AGBL4: variants seen among roughly 807,000 people sequenced by gnomAD.
AGBL4 encodes the protein AGBL carboxypeptidase 4.
A neutral mutation model predicts 66.4 loss-of-function variants in AGBL4; 58 were observed. The observed-to-expected ratio is 0.87, with a 90% confidence interval of 0.71 to 1.09. The LOEUF (loss-of-function observed/expected upper bound fraction) is 1.09, where lower values mean the gene tolerates loss of function less well. Ranked by LOEUF, AGBL4 falls within the 50% of genes least tolerant of loss-of-function variation. The pLI is 0.00. For missense variants in AGBL4, 579 were observed against 631.0 expected (o/e 0.92, Z 0.88); for synonymous variants, 234 against 222.9 (o/e 1.05, Z -0.44).
chr1:48,613,688 C>T (rs1645275088), intron 9 of AGBL4, among the ~76,000 whole-genome samples: 2 of 152,178 alleles, frequency 1.3e-5, no homozygotes, highest in Admixed American at 6.5e-5. Flanking sequence ...AGGGGTGACA[C>T]CTTTAGCCTG....
chr1:49,545,785 C>A (rs1652428828), intron 3 of AGBL4, among the ~76,000 whole-genome samples: 1 of 152,230 alleles, frequency 6.6e-6, no homozygotes. Context: ...CAAATAAAAG[C>A]AAATACTATT....
chr1:48,634,641 G>T, intron 8 of AGBL4, 37 bp from the exon 9 acceptor site: 1 of 1,455,754 alleles, frequency 6.9e-7, no homozygotes, highest in Non-Finnish European at 9.4e-7. Context: ...ATATAGACAG[G>T]ATAAGCTGAG....
intron 3 of AGBL4, among the ~76,000 whole-genome samples, chr1:49,578,937 A>G (rs1644489747): frequency 1.3e-5 from 2 of 152,334 alleles, no homozygotes; most frequent in East Asian, 3.9e-4. Flanking sequence ...CATTTGAGTC[A>G]GAGGGTTGGG....
chr1:49,353,441 T>A (rs539798585), intron 3 of AGBL4, among the ~76,000 whole-genome samples: 2 of 152,160 alleles, frequency 1.3e-5, no homozygotes, highest in Admixed American at 1.3e-4. Context: ...ACAATTATTG[T>A]GATTAATAAA....
chr1:49,758,407 G>A (rs1652054867), intron 2 of AGBL4, among the ~76,000 whole-genome samples: 1 of 151,778 alleles, frequency 6.6e-6, no homozygotes, highest in Non-Finnish European at 1.5e-5. Context: ...CCATCCTCTA[G>A]ACCCCAGAAT....
intron 3 of AGBL4, among the ~76,000 whole-genome samples, chr1:49,473,722 G>A (rs1646792558): frequency 1.3e-5 from 2 of 151,988 alleles, no homozygotes; most frequent in African/African-American, 2.4e-5. Context: ...ATGTCTAGAA[G>A]AGTATTTCCT....
intron 2 of AGBL4, among the ~76,000 whole-genome samples, chr1:49,710,141 A>G (rs1647534823): frequency 6.6e-6 from 1 of 152,134 alleles, no homozygotes; most frequent in South Asian, 2.1e-4. Flanking sequence ...ACATGCACAC[A>G]TATGTTTATT....
intron 3 of AGBL4, among the ~76,000 whole-genome samples, chr1:49,352,874 G>A (rs1198365594): frequency 1.3e-5 from 2 of 152,104 alleles, no homozygotes; most frequent in African/African-American, 4.8e-5. Flanking sequence ...CATAGTAGTA[G>A]CAGCAGATGG....
chr1:48,734,914 G>A (rs1328021647), intron 6 of AGBL4, among the ~76,000 whole-genome samples: 1 of 152,182 alleles, frequency 6.6e-6, no homozygotes, highest in Non-Finnish European at 1.5e-5. Flanking sequence ...AGACATGGCA[G>A]ACCTGGACAC....
At chr1:49,473,142 G>T (rs974736166) in intron 3 of AGBL4, among the ~76,000 whole-genome samples, 5 of 151,960 alleles carry the variant, frequency 3.3e-5, no homozygotes, top group Admixed American at 6.6e-5. Flanking sequence ...TTGGTAAAAT[G>T]ATTTATTTTC....
chr1:49,983,069 C>T (rs910689564), intron 1 of AGBL4, among the ~76,000 whole-genome samples: 2 of 152,212 alleles, frequency 1.3e-5, no homozygotes, highest in African/African-American at 2.4e-5. Context: ...TGTCTGCATA[C>T]CTCATTCTTC....
intron 1 of AGBL4, among the ~76,000 whole-genome samples, chr1:49,902,021 C>T (rs1421018036): frequency 6.6e-6 from 1 of 152,108 alleles, no homozygotes; most frequent in Non-Finnish European, 1.5e-5. Context: ...TTCCTTACAC[C>T]AAATGCAAAA....
At chr1:48,705,107 A>G (rs554687428) in intron 6 of AGBL4, among the ~76,000 whole-genome samples, 1 of 152,236 alleles carries the variant, frequency 6.6e-6, no homozygotes, top group South Asian at 2.1e-4. Flanking sequence ...TGACCAAAAC[A>G]TCATTATGTG....
intron 6 of AGBL4, among the ~76,000 whole-genome samples, chr1:48,832,057 G>T (rs1442684600): frequency 6.6e-6 from 1 of 152,134 alleles, no homozygotes; most frequent in Non-Finnish European, 1.5e-5. Flanking sequence ...TATAAGTGAA[G>T]AAAAATGAGT....
chr1:48,816,032 T>C (rs943140081), intron 6 of AGBL4, among the ~76,000 whole-genome samples: 1 of 150,016 alleles, frequency 6.7e-6, no homozygotes, highest in Non-Finnish European at 1.5e-5. Flanking sequence ...TGGCCACTTA[T>C]TGAGGAACTG....
chr1:49,588,229 A>G lies in AGBL4; in HGVS notation c.282+109084T>C, dbSNP rs1644687474. Reference sequence around the variant, plus strand: ...TTCTCATGGCAATGCTTCCTCAGTTATAATACACCATAATGCTTTGTGCCC... The same window carrying G: ...TTCTCATGGCAATGCTTCCTCAGTTGTAATACACCATAATGCTTTGTGCCC... On this transcript the variant is annotated intron_variant, in intron 3 of 13. Coordinates refer to ENST00000371839, the MANE Select transcript of AGBL4 (RefSeq NM_032785.4). Among the ~76,000 whole-genome samples the G allele has an allele frequency of 4.6e-5, 7 of 152,244 alleles. No homozygotes were observed. In the South Asian group the frequency reaches 1.5e-3, roughly 32 times the overall value.
At chr1:49,607,341 A>T (rs1015128767) in intron 3 of AGBL4, among the ~76,000 whole-genome samples, 4 of 152,154 alleles carry the variant, frequency 2.6e-5, no homozygotes, top group Non-Finnish European at 4.4e-5. Context: ...TTCAAGCCTC[A>T]GTCTTCCTTT....
intron 1 of AGBL4, among the ~76,000 whole-genome samples, chr1:49,934,078 C>A (rs1417631261): frequency 6.6e-6 from 1 of 151,884 alleles, no homozygotes; most frequent in African/African-American, 2.4e-5. Flanking sequence ...AAACAAGGGA[C>A]AAGGAAACAC....
At chr1:48,754,888 A>G (rs1173701684) in intron 6 of AGBL4, among the ~76,000 whole-genome samples, 1 of 152,192 alleles carries the variant, frequency 6.6e-6, no homozygotes, top group Non-Finnish European at 1.5e-5. Flanking sequence ...AGAGGCACGC[A>G]GGACCAGGGG....
Sources: gnomAD v4.1 joint callset for allele counts (sites outside exome capture counted in the v4.1 genomes callset) on GRCh38, gnomAD v4.1.1 for gene constraint, MANE v1.5 for transcripts, NCBI Gene and HGNC (gene_info 2026-07-23, HGNC 2026-07-21) for gene names.